Variants in CDK6 observed in about 807,000 individuals in gnomAD.
The protein encoded by CDK6 is cyclin-dependent kinase 6.
Under a neutral mutation model 37.1 loss-of-function variants are expected in CDK6, and 6 were observed. The observed-to-expected ratio is 0.16, with a 90% confidence interval of 0.09 to 0.32. The LOEUF (loss-of-function observed/expected upper bound fraction) is 0.32. CDK6 is among the 10% of genes least tolerant of loss of function. The pLI, the probability that CDK6 is intolerant of heterozygous loss-of-function variation, is 1.00. For missense variants in CDK6, 224 were observed against 418.9 expected, an observed-to-expected ratio of 0.53 and a Z score of 4.06; for synonymous variants, 160 against 161.3, an observed-to-expected ratio of 0.99 and a Z score of 0.06.
intron 2 of CDK6, among the ~76,000 whole-genome samples, chr7:92,790,989 A>G (rs1169093860): frequency 1.3e-5 from 2 of 152,178 alleles, no homozygotes; most frequent in Non-Finnish European, 2.9e-5. Context: ...AAAGAGCCCA[A>G]TCTGATGACA....
At chr7:92,633,410 C>T (rs367910149) in intron 5 of CDK6, among the ~76,000 whole-genome samples, 2 of 152,014 alleles carry the variant, frequency 1.3e-5, no homozygotes, top group South Asian at 2.1e-4. Flanking sequence ...CAATTTTTCA[C>T]GGTGGACACA....
intron 2 of CDK6, among the ~76,000 whole-genome samples, chr7:92,807,077 T>C (rs1017140926): frequency 6.6e-6 from 1 of 152,218 alleles, no homozygotes; most frequent in African/African-American, 2.4e-5. Context: ...TTTTGGTTTG[T>C]TCACCACCTG....
intron 3 of CDK6, among the ~76,000 whole-genome samples, chr7:92,746,375 A>T (rs1478946096): frequency 6.6e-6 from 1 of 152,186 alleles, no homozygotes; most frequent in Non-Finnish European, 1.5e-5. Context: ...TGAAAATCCA[A>T]AATCCAAAAT....
rs893936158 is a variant in CDK6, at chr7:92,833,693, AAAG to A, written c.-367-6_-367-4del. The A allele has an allele frequency of 4.5e-6, 2 of 441,908 alleles. No individual in the cohort carries two copies. Among genetic ancestry groups the A allele is most frequent in the Non-Finnish European group, 3.9e-6 (1 of 254,360 alleles). The allele number at this position is 441,908 out of a possible 1,614,324, so 27.4% of individuals were successfully genotyped here. ...GTCTCAGTCCAGAATCATTGCACCTAAAGGAGGAGACGGGAGGATAAGAAGAAA... is the reference window on the plus strand; with the variant it reads ...GTCTCAGTCCAGAATCATTGCACCTAGAGGAGACGGGAGGATAAGAAGAAA... On this transcript the variant is annotated splice_polypyrimidine_tract_variant and splice_region_variant and intron_variant, in intron 1 of 7. Transcript: ENST00000424848. The surrounding 1 kb of genome is among the most constrained non-coding windows in gnomAD (Gnocchi z 6.1).
intron 5 of CDK6, among the ~76,000 whole-genome samples, chr7:92,650,789 T>C (rs1374935516): frequency 6.6e-6 from 1 of 152,222 alleles, no homozygotes; most frequent in Non-Finnish European, 1.5e-5. Flanking sequence ...CTCTGGTTCC[T>C]AATGTGGCTG....
At chr7:92,710,264 T>C (rs1349064637) in intron 4 of CDK6, among the ~76,000 whole-genome samples, 2 of 152,188 alleles carry the variant, frequency 1.3e-5, no homozygotes, top group Non-Finnish European at 2.9e-5. Flanking sequence ...AGTGGAAGTT[T>C]GAAAAGAGCT....
At chr7:92,669,498 G>T (rs1797028905) in intron 5 of CDK6, among the ~76,000 whole-genome samples, 1 of 152,152 alleles carries the variant, frequency 6.6e-6, no homozygotes, top group South Asian at 2.1e-4. Context: ...CTTTACAGTT[G>T]AGACTATTCT....
rs564135494 is a variant in CDK6, at chr7:92,612,556, A to G, written c.*2584T>C. ...GGAAGAACTGGGGACAGATTTTTAC[A>G]AAGTTCAGAGAGGCTGAGATGCCCT... On this transcript the variant is annotated 3_prime_UTR_variant, in exon 8 of 8. Coordinates refer to ENST00000424848, the MANE Select transcript of CDK6 (RefSeq NM_001145306.2). The G allele has an allele frequency of 4.3e-6, 1 of 233,122 alleles. No individual in the cohort carries two copies. The highest frequency in any genetic ancestry group is 8.5e-6 in the Non-Finnish European group (1 of 117,958). The allele number at this position is 233,122 out of a possible 1,614,324, so 14.4% of individuals were successfully genotyped here. A position where few individuals can be genotyped will look rare whatever the true frequency, so the allele number is the denominator to read the frequency against.
intron 5 of CDK6, among the ~76,000 whole-genome samples, chr7:92,658,963 G>C (rs191502002): frequency 2.0e-3 from 299 of 152,240 alleles, no homozygotes; most frequent in Non-Finnish European, 3.3e-3. Flanking sequence ...TTGCAAGTTT[G>C]AGCTCAAGCA....
intron 3 of CDK6, among the ~76,000 whole-genome samples, chr7:92,744,432 A>G (rs558387650): frequency 3.3e-5 from 5 of 152,230 alleles, no homozygotes; most frequent in African/African-American, 1.2e-4. Flanking sequence ...GATTCACTTA[A>G]CTCCCAACGG....
At chr7:92,749,100 G>C (rs1484635942) in intron 3 of CDK6, among the ~76,000 whole-genome samples, 2 of 151,928 alleles carry the variant, frequency 1.3e-5, no homozygotes, top group Admixed American at 6.6e-5. Context: ...TCGGGGGGCT[G>C]AGGCAGGAGA....
chr7:92,661,279 T>C (rs1271704220), intron 5 of CDK6, among the ~76,000 whole-genome samples: 4 of 152,168 alleles, frequency 2.6e-5, no homozygotes, highest in Non-Finnish European at 5.9e-5. Context: ...CAAATAGGGA[T>C]GACAACAGTG....
intron 2 of CDK6, among the ~76,000 whole-genome samples, chr7:92,782,624 C>T (rs1394929047): frequency 6.6e-6 from 1 of 152,136 alleles, no homozygotes; most frequent in Non-Finnish European, 1.5e-5. Flanking sequence ...TTTAGTGAAC[C>T]TACTATGGGA....
intron 2 of CDK6, among the ~76,000 whole-genome samples, chr7:92,807,017 A>G (rs1484387146): frequency 2.0e-5 from 3 of 152,170 alleles, no homozygotes. Flanking sequence ...TGTAGCTTAT[A>G]CCAATTTTGG....
chr7:92,702,761 G>C (rs1301498290), intron 4 of CDK6, among the ~76,000 whole-genome samples: 2 of 152,210 alleles, frequency 1.3e-5, no homozygotes, highest in Non-Finnish European at 2.9e-5. Flanking sequence ...TCCCAGGTAA[G>C]TCAGCACAGT....
chr7:92,766,639 A>G (rs1260604255), intron 3 of CDK6, among the ~76,000 whole-genome samples: 1 of 152,226 alleles, frequency 6.6e-6, no homozygotes, highest in African/African-American at 2.4e-5. Context: ...AGAAGAGCCA[A>G]AAAAAGAGAC....
At chr7:92,814,340 A>G (rs954572309) in intron 2 of CDK6, among the ~76,000 whole-genome samples, 1 of 152,182 alleles carries the variant, frequency 6.6e-6, no homozygotes, top group African/African-American at 2.4e-5. Context: ...TAAATAGGGG[A>G]AAAGTATATC....
In CDK6 at chr7:92,778,935, AT is replaced by A. The variant is rs1447127165; in HGVS notation, c.234-4105del. Among the ~76,000 whole-genome samples the A allele has an allele frequency of 8.4e-5, 12 of 143,344 alleles. 1 individual carries two copies. Among genetic ancestry groups the A allele is most frequent in the African/African-American group, 2.7e-4 (10 of 37,608 alleles). 94.0% of individuals were successfully genotyped at this position (143,344 alleles called of 152,430 possible). On this transcript the variant is annotated intron_variant, in intron 2 of 7. Transcript: ENST00000424848. The stretch of plus-strand genomic sequence containing the variant: ...CATTTATAGTTTATCATATATATAT[AT>A]ATATATATATAAGATATTATAGTAA...
intron 3 of CDK6, among the ~76,000 whole-genome samples, chr7:92,735,299 G>T (rs1219609475): frequency 2.0e-5 from 3 of 151,976 alleles, no homozygotes; most frequent in Non-Finnish European, 4.4e-5. Context: ...AGAATCGGGG[G>T]TATATGTGCA....
Sources: gnomAD v4.1 joint callset for allele counts (sites outside exome capture counted in the v4.1 genomes callset) on GRCh38, gnomAD v4.1.1 for gene constraint, Gnocchi (gnomAD v3.1) non-coding constraint, MANE v1.5 for transcripts, NCBI Gene and HGNC (gene_info 2026-07-23, HGNC 2026-07-21) for gene names.